The following KCNK4 variants were observed in gnomAD, a reference collection of about 807,000 sequenced individuals.
KCNK4 encodes potassium two pore domain channel subfamily K member 4, also known as potassium channel subfamily K member 4.
In KCNK4, 22 loss-of-function variants were observed where a neutral mutation model predicts 28.8. That is an observed-to-expected ratio of 0.76 (90% CI 0.55 to 1.09). KCNK4 has a LOEUF of 1.09. Among genes scored for constraint, KCNK4 ranks in the 50% least tolerant of loss-of-function variants. KCNK4 has a pLI of 0.00. For synonymous variants in KCNK4, 263 were observed against 252.9 expected (o/e 1.04, Z -0.38); for missense variants, 483 against 546.3 (o/e 0.88, Z 1.15).
At chr11:64,298,566 C>T (rs2034836621) in intron 6 of KCNK4, among the ~76,000 whole-genome samples, 1 of 152,088 alleles carries the variant, frequency 6.6e-6, no homozygotes, top group African/African-American at 2.4e-5. Context: ...CCTGTAGTCC[C>T]AGCTACTCGG....
At chr11:64,294,868 A>G (rs2034727917) in intron 2 of KCNK4, among the ~76,000 whole-genome samples, 1 of 141,464 alleles carries the variant, frequency 7.1e-6, no homozygotes, top group African/African-American at 2.5e-5. Context: ...GCGTGGGAAG[A>G]ATGTATCTGG....
chr11:64,298,076 C>A (rs747552481), intron 5 of KCNK4, 34 bp from the exon 6 acceptor site: 4 of 1,607,888 alleles, frequency 2.5e-6, no homozygotes, highest in Non-Finnish European at 3.4e-6. Flanking sequence ...GCCCCACAAT[C>A]CAATTCTTTC....
rs201393890 is a variant in KCNK4, at chr11:64,298,230, C to T, written c.782C>T (p.Ser261Phe). ...TTIGNWLRVV[S>F]RRTRAEMGGL... is the part of the protein sequence containing the mutation. ...ATCGGGAACTGGCTGCGAGTAGTGT[C>T]CCGCCGCACTCGGGCAGAGGTAGGC... is the stretch of plus-strand genomic sequence containing the variant. Residue 261 changes from serine (S) to phenylalanine (F), a missense_variant, in exon 6 of 7, where the codon TCC (serine) becomes TTC (phenylalanine). Transcript: ENST00000422670. 1.9e-6 allele frequency: 3 copies of T among 1,612,746 alleles called. No individual in the cohort carries two copies. Among genetic ancestry groups the T allele is most frequent in the East Asian group, 2.2e-5 (1 of 44,896 alleles).
chr11:64,297,502 G>A lies in KCNK4; in HGVS notation c.510G>A (p.Leu170=). 1.9e-6 allele frequency: 3 copies of A among 1,614,174 alleles called. No individual in the cohort carries two copies. The highest frequency in any genetic ancestry group is 1.7e-6 in the Non-Finnish European group (2 of 1,180,030). ...WHVPPELVRV[L]SAMLFLLIGC... is the part of the protein sequence containing the mutation. ...TGCCACCGGAGCTAGTAAGAGTGCT[G>A]TCGGCGATGCTTTTCCTGCTGATCG... Residue 170 remains leucine, a synonymous_variant, in exon 5 of 7, where the codon CTG becomes CTA. Coordinates refer to ENST00000422670, the MANE Select transcript of KCNK4 (RefSeq NM_033310.3).
Position 64,292,960 on chromosome 11 carries a change from A to G in KCNK4, c.-59A>G. 1 of 1,487,000 alleles carries G rather than the reference A, an allele frequency of 6.7e-7. No individual in the cohort carries two copies. The highest frequency in any genetic ancestry group is 8.9e-7 in the Non-Finnish European group (1 of 1,122,970). 92.1% of individuals were successfully genotyped at this position (1,487,000 alleles called of 1,614,324 possible). A position where few individuals can be genotyped will look rare whatever the true frequency, so the allele number is the denominator to read the frequency against. On this transcript the variant is annotated 5_prime_UTR_variant, in exon 2 of 7. Coordinates refer to ENST00000422670, the MANE Select transcript of KCNK4 (RefSeq NM_033310.3). ...CCCGCAGTGACGACAGCTCCCCAGG[A>G]GCCCCCCGCCCGGCCCCTCCAGGCG...
chr11:64,298,118 C>A lies in KCNK4; in HGVS notation c.670C>A (p.Pro224Thr). The A allele has an allele frequency of 6.2e-7, 1 of 1,613,600 alleles. No individual in the cohort carries two copies. Among genetic ancestry groups the A allele is most frequent in the Non-Finnish European group, 8.5e-7 (1 of 1,179,954 alleles). The change falls in exon 6 of 7, where the codon CCC (proline) becomes ACC (threonine). Residue 224 changes from proline to threonine, a missense_variant. Coordinates refer to ENST00000422670, the MANE Select transcript of KCNK4 (RefSeq NM_033310.3). ...GFGDYVAGAD[P>T]RQDSPAYQPL... ...CCCTGGTGGTATCCCAGGCGCGGACCCCAGGCAGGACTCCCCGGCCTATCA... is the reference window on the plus strand; with the variant it reads ...CCCTGGTGGTATCCCAGGCGCGGACACCAGGCAGGACTCCCCGGCCTATCA...
chr11:64,299,277 G>A lies in KCNK4; in HGVS notation c.802-69G>A, dbSNP rs1270373753. On this transcript the variant is annotated intron_variant, in intron 6 of 6. Coordinates refer to ENST00000422670, the MANE Select transcript of KCNK4 (RefSeq NM_033310.3). Reference sequence around the variant, plus strand: ...GGGTTTGATCCCTGCTGGTGAAGGGGCAGGTTCCCGGGGGGTCGCGGAGGG... The same window carrying A: ...GGGTTTGATCCCTGCTGGTGAAGGGACAGGTTCCCGGGGGGTCGCGGAGGG... The A allele has an allele frequency of 2.2e-6, 3 of 1,360,140 alleles. No individual in the cohort carries two copies. The Admixed American group carries it at 8.9e-5, about 40-fold the overall frequency. The allele number at this position is 1,360,140 out of a possible 1,614,324, so 84.3% of individuals were successfully genotyped here.
At position 64,298,142 on chromosome 11, in the gene KCNK4, C is replaced by G; in HGVS notation, c.694C>G (p.Gln232Glu). 6.2e-7 allele frequency: 1 copy of G among 1,613,890 alleles called. No individual in the cohort carries two copies. The highest frequency in any genetic ancestry group is 1.1e-5 in the South Asian group (1 of 91,048). ...CCCCAGGCAGGACTCCCCGGCCTAT[C>G]AGCCGCTGGTGTGGTTCTGGATCCT... ...ADPRQDSPAY[Q>E]PLVWFWILLG... is the part of the protein sequence containing the mutation. Residue 232 changes from glutamine to glutamate, a missense_variant, in exon 6 of 7, where the codon CAG becomes GAG. Physicochemically the swap from Gln to Glu is conservative, Grantham distance 29. Transcript: ENST00000422670.
chr11:64,298,575 G>C (rs375429766), intron 6 of KCNK4, among the ~76,000 whole-genome samples: 1 of 152,118 alleles, frequency 6.6e-6, no homozygotes, highest in Non-Finnish European at 1.5e-5. Context: ...CCAGCTACTC[G>C]GGAGGCTGAG....
chr11:64,293,011 G>A lies in KCNK4; in HGVS notation c.-8G>A. 2 of 1,539,780 alleles carry A rather than the reference G, an allele frequency of 1.3e-6. No homozygotes were observed. The highest frequency in any genetic ancestry group is 1.7e-6 in the Non-Finnish European group (2 of 1,143,176). On this transcript the variant is annotated 5_prime_UTR_variant, in exon 2 of 7. Transcript: ENST00000422670. Reference sequence around the variant, plus strand: ...GGCAGTGGAGCTGGCCCGGCGCCTGGGCGCGCCATGCGCAGCACCACGCTC... The same window carrying A: ...GGCAGTGGAGCTGGCCCGGCGCCTGAGCGCGCCATGCGCAGCACCACGCTC...
Position 64,297,190 on chromosome 11 carries a change from C to T in KCNK4, c.385C>T (p.Pro129Ser), listed in dbSNP as rs761427522. 6.2e-7 allele frequency: 1 copy of T among 1,614,148 alleles called. No homozygotes were observed. Among genetic ancestry groups the T allele is most frequent in the South Asian group, 1.1e-5 (1 of 91,090 alleles). ...CATCTTTTATGCGCTGGTGGGGATT[C>T]CGCTGTTTGGGATCCTACTGGCAGG... ...FCIFYALVGI[P>S]LFGILLAGVG... The change falls in exon 4 of 7, where the codon CCG becomes TCG. Residue 129 changes from proline to serine, a missense_variant. Pro to Ser is a moderately conservative substitution (Grantham distance 74). Transcript: ENST00000422670.
chr11:64,298,253 G>A lies in KCNK4; in HGVS notation c.801+4G>A, dbSNP rs752198444. The stretch of plus-strand genomic sequence containing the variant: ...GTCCCGCCGCACTCGGGCAGAGGTA[G>A]GCGCCCCAGGGTTGGCACTGTGCCT... On this transcript the variant is annotated splice_donor_region_variant and intron_variant, in intron 6 of 6. Coordinates refer to ENST00000422670, the MANE Select transcript of KCNK4 (RefSeq NM_033310.3). The A allele has an allele frequency of 6.2e-6, 10 of 1,611,770 alleles. No individual in the cohort carries two copies. The South Asian group carries it at 1.1e-4, about 18-fold the overall frequency.
Position 64,297,463 on chromosome 11 carries a change from G to A in KCNK4, c.475-4G>A, listed in dbSNP as rs776192257. 8.1e-6 allele frequency: 13 copies of A among 1,613,758 alleles called. No homozygotes were observed. The highest frequency in any genetic ancestry group is 5.3e-5 in the African/African-American group (4 of 74,886). Reference sequence around the variant, plus strand: ...TGGGTCCTGCCTACTGCCCCATCCCGCAGAAGTGGCACGTGCCACCGGAGC... The same window carrying A: ...TGGGTCCTGCCTACTGCCCCATCCCACAGAAGTGGCACGTGCCACCGGAGC... On this transcript the variant is annotated splice_polypyrimidine_tract_variant and splice_region_variant and intron_variant, in intron 4 of 6. Transcript: ENST00000422670.
chr11:64,296,278 T>C (rs2034762756), intron 2 of KCNK4: 1 of 152,026 alleles, frequency 6.6e-6, no homozygotes, highest in Non-Finnish European at 1.5e-5. Context: ...GGGAGCAAAA[T>C]TTTGTGGCAT....
chr11:64,297,297 C>T lies in KCNK4; in HGVS notation c.474+18C>T. ...TCTTCTTGGTGAGCTGCTCCATGCC[C>T]TGCCTGCCCTTGTGCTGGGCTCCGG... is the stretch of plus-strand genomic sequence containing the variant. On this transcript the variant is annotated intron_variant, in intron 4 of 6. Transcript: ENST00000422670. 6.2e-7 allele frequency: 1 copy of T among 1,602,458 alleles called. No homozygotes were observed. Among genetic ancestry groups the T allele is most frequent in the Non-Finnish European group, 8.5e-7 (1 of 1,173,114 alleles).
Position 64,297,212 on chromosome 11 carries a change from CA to C in KCNK4, c.408del (p.Val138SerfsTer21). On this transcript the variant is annotated frameshift_variant, in exon 4 of 7. Transcript: ENST00000422670. LOFTEE classifies it high-confidence loss of function. ...ATTCCGCTGTTTGGGATCCTACTGG[CA>C]GGGGTCGGGGACCGGCTGGGCTCCT... is the stretch of plus-strand genomic sequence containing the variant. ...VGIPLFGILL[A>X]GVGDRLGSSL... The C allele has an allele frequency of 2.5e-6, 4 of 1,614,144 alleles. No homozygotes were observed. Among genetic ancestry groups the C allele is most frequent in the Non-Finnish European group, 3.4e-6 (4 of 1,180,016 alleles).
chr11:64,291,979 G>A, intron 1 of KCNK4: 1 of 1,109,936 alleles, frequency 9.0e-7, no homozygotes, highest in Non-Finnish European at 1.1e-6. Context: ...GCGAGCTGCG[G>A]GCGCTGCGCG....
chr11:64,293,285 C>T, intron 2 of KCNK4, 78 bp downstream of exon 2: 2 of 1,355,966 alleles, frequency 1.5e-6, no homozygotes, highest in South Asian at 3.4e-5. Context: ...AGGCCCTGTG[C>T]CAGTGCTGCT....
In KCNK4 at chr11:64,297,457, C is replaced by T; in HGVS notation, c.475-10C>T. 3 of 1,613,788 alleles carry T rather than the reference C, an allele frequency of 1.9e-6. No homozygotes were observed. The highest frequency in any genetic ancestry group is 2.5e-6 in the Non-Finnish European group (3 of 1,179,834). On this transcript the variant is annotated splice_polypyrimidine_tract_variant and intron_variant, in intron 4 of 6. Transcript: ENST00000422670. Reference sequence around the variant, plus strand: ...GTCTCCTGGGTCCTGCCTACTGCCCCATCCCGCAGAAGTGGCACGTGCCAC... The same window carrying T: ...GTCTCCTGGGTCCTGCCTACTGCCCTATCCCGCAGAAGTGGCACGTGCCAC...
Sources: allele counts gnomAD v4.1 joint callset (sites outside exome capture counted in the v4.1 genomes callset), GRCh38; gene constraint gnomAD v4.1.1; transcripts MANE v1.5; gene names NCBI Gene and HGNC (gene_info 2026-07-23, HGNC 2026-07-21).